Variants in FBXL4 observed in about 807,000 individuals in gnomAD.
The protein encoded by FBXL4 is F-box and leucine rich repeat protein 4, also known as F-box/LRR-repeat protein 4.
Under a neutral mutation model 58.9 loss-of-function variants are expected in FBXL4, and 40 were observed. The ratio of observed to expected loss-of-function variants is 0.68; its 90% confidence interval spans 0.53 to 0.88. FBXL4 has a LOEUF of 0.88. FBXL4 is among the 40% of genes least tolerant of loss of function. FBXL4 has a pLI of 0.00. For missense variants in FBXL4, 676 were observed against 734.4 expected (o/e 0.92, Z 0.92); for synonymous variants, 263 against 265.5 (o/e 0.99, Z 0.09).
chr6:98,910,688 G>C lies in FBXL4; in HGVS notation c.859-5018C>G, dbSNP rs527284220. ...AAAAAGAAAAAAAAAAAGTATTGTG[G>C]GGGGAGGAGCCAAGATGGCCGAATA... On this transcript the variant is annotated intron_variant, in intron 5 of 9. Transcript: ENST00000369244. Among the ~76,000 whole-genome samples, 9 of 152,124 alleles carry C rather than the reference G, an allele frequency of 5.9e-5. No individual in the cohort carries two copies. In the South Asian group the frequency reaches 8.3e-4, roughly 14 times the overall value.
At chr6:98,902,887 G>A (rs1166986741) in intron 6 of FBXL4, among the ~76,000 whole-genome samples, 1 of 152,102 alleles carries the variant, frequency 6.6e-6, no homozygotes, top group Non-Finnish European at 1.5e-5. Flanking sequence ...TCACAAATCT[G>A]TAGCTAGAAT....
chr6:98,906,242 G>C (rs1771805204), intron 5 of FBXL4, among the ~76,000 whole-genome samples: 1 of 150,654 alleles, frequency 6.6e-6, no homozygotes, highest in Non-Finnish European at 1.5e-5. Context: ...GTGTTACATA[G>C]GTATACAAGT....
At chr6:98,912,542 A>T (rs974254620) in intron 5 of FBXL4, among the ~76,000 whole-genome samples, 1 of 152,184 alleles carries the variant, frequency 6.6e-6, no homozygotes, top group Non-Finnish European at 1.5e-5. Context: ...AAAGAAAATA[A>T]TTTTCAACCC....
chr6:98,939,650 T>C (rs1373638042), intron 1 of FBXL4, among the ~76,000 whole-genome samples: 1 of 152,238 alleles, frequency 6.6e-6, no homozygotes, highest in Non-Finnish European at 1.5e-5. Flanking sequence ...CAGACTGTAA[T>C]CTATGGTACA....
intron 7 of FBXL4, among the ~76,000 whole-genome samples, chr6:98,889,170 G>C (rs760585297): frequency 3.5e-4 from 53 of 152,254 alleles, no homozygotes; most frequent in Middle Eastern, 3.4e-3. Context: ...AATGCAATTA[G>C]GCAAAAACAA....
At chr6:98,914,005 A>G (rs535439177) in intron 5 of FBXL4, among the ~76,000 whole-genome samples, 1 of 152,264 alleles carries the variant, frequency 6.6e-6, no homozygotes, top group South Asian at 2.1e-4. Flanking sequence ...TCCCACAGAA[A>G]TACAAACTAC....
At chr6:98,912,315 G>C (rs371182358) in intron 5 of FBXL4, among the ~76,000 whole-genome samples, 2 of 152,054 alleles carry the variant, frequency 1.3e-5, no homozygotes, top group Non-Finnish European at 2.9e-5. Context: ...AGATTCAGGA[G>C]ATACAGAGAA....
At chr6:98,880,137 CCTAT>C (rs1472539897) in intron 8 of FBXL4, among the ~76,000 whole-genome samples, 5 of 151,864 alleles carry the variant, frequency 3.3e-5, no homozygotes, top group African/African-American at 7.3e-5. Flanking sequence ...ATAAAATAAA[CCTAT>C]CTATTATCAT....
intron 1 of FBXL4, among the ~76,000 whole-genome samples, chr6:98,938,442 A>C (rs1413335095): frequency 6.6e-6 from 1 of 152,226 alleles, no homozygotes; most frequent in East Asian, 1.9e-4. Context: ...GTCTGATACC[A>C]AAAGAACTTT....
At position 98,915,349 on chromosome 6, in the gene FBXL4, C is replaced by T. The variant is rs1476808556; in HGVS notation, c.858+2025G>A. ...AAGTTCATATGGAAACAAAAAAGAG[C>T]CCACATCACCAAGTCAATCCTAAGC... On this transcript the variant is annotated intron_variant, in intron 5 of 9. Coordinates refer to ENST00000369244, the MANE Select transcript of FBXL4 (RefSeq NM_001278716.2). Among the ~76,000 whole-genome samples the T allele has an allele frequency of 2.0e-5, 3 of 152,260 alleles. No homozygotes were observed. The East Asian group carries it at 5.8e-4, about 29-fold the overall frequency.
intron 7 of FBXL4, among the ~76,000 whole-genome samples, chr6:98,882,948 T>C (rs1364734263): frequency 6.6e-6 from 1 of 152,040 alleles, no homozygotes; most frequent in Non-Finnish European, 1.5e-5. Context: ...AGTATTTCTC[T>C]AGAGAACACA....
chr6:98,901,868 C>T (rs1186287696), intron 6 of FBXL4, among the ~76,000 whole-genome samples: 1 of 152,066 alleles, frequency 6.6e-6, no homozygotes, highest in Non-Finnish European at 1.5e-5. Context: ...TTCCTGCAGT[C>T]AATTCATTCT....
chr6:98,903,852 A>G (rs1031713207), intron 6 of FBXL4, among the ~76,000 whole-genome samples: 2 of 152,160 alleles, frequency 1.3e-5, no homozygotes, highest in Non-Finnish European at 2.9e-5. Flanking sequence ...TTATAAAAAT[A>G]AGGGATATGT....
At chr6:98,906,045 G>A (rs1170092733) in intron 5 of FBXL4, among the ~76,000 whole-genome samples, 1 of 152,068 alleles carries the variant, frequency 6.6e-6, no homozygotes, top group Non-Finnish European at 1.5e-5. Context: ...CAGTCCAGTG[G>A]GGATTGGTAA....
intron 1 of FBXL4, among the ~76,000 whole-genome samples, chr6:98,939,620 A>G (rs1773356786): frequency 6.6e-6 from 1 of 152,222 alleles, no homozygotes; most frequent in Non-Finnish European, 1.5e-5. Context: ...TTATCTTGAA[A>G]TGACAGGTAA....
rs1193619677 is a variant in FBXL4, at chr6:98,917,443, G to A, written c.789C>T (p.Asn263=). The change falls in exon 5 of 10, where the codon AAC becomes AAT. Residue 263 remains asparagine, a synonymous_variant. Coordinates refer to ENST00000369244, the MANE Select transcript of FBXL4 (RefSeq NM_001278716.2). ...EKDGCGMDSL[N]KKFSSAVLGE... The stretch of plus-strand genomic sequence containing the variant: ...CGAGGACAGCACTGCTAAACTTTTT[G>A]TTAAGACTGTCCATTCCACAACCAT... 5 of 1,613,858 alleles carry A rather than the reference G, an allele frequency of 3.1e-6. No individual in the cohort carries two copies. Among genetic ancestry groups the A allele is most frequent in the Non-Finnish European group, 4.2e-6 (5 of 1,179,884 alleles).
At chr6:98,918,464 A>G (rs1365174807) in intron 4 of FBXL4, among the ~76,000 whole-genome samples, 2 of 152,182 alleles carry the variant, frequency 1.3e-5, no homozygotes, top group East Asian at 3.9e-4. Context: ...GAAATGCCCA[A>G]CCTACTATTA....
intron 1 of FBXL4, among the ~76,000 whole-genome samples, chr6:98,938,454 A>C (rs1354353603): frequency 6.6e-6 from 1 of 152,220 alleles, no homozygotes; most frequent in African/African-American, 2.4e-5. Context: ...AAGAACTTTA[A>C]AAGGCAGTCC....
chr6:98,934,495 T>C (rs1773133262), intron 2 of FBXL4, among the ~76,000 whole-genome samples: 1 of 152,046 alleles, frequency 6.6e-6, no homozygotes, highest in Non-Finnish European at 1.5e-5. Context: ...TTAGATGTGA[T>C]ATAAAGGAGC....
Sources: allele counts gnomAD v4.1 joint callset (sites outside exome capture counted in the v4.1 genomes callset), GRCh38; gene constraint gnomAD v4.1.1; transcripts MANE v1.5; gene names NCBI Gene and HGNC (gene_info 2026-07-23, HGNC 2026-07-21).